TLL1: variants seen among roughly 807,000 people sequenced by gnomAD.
TLL1 encodes tolloid like 1.
A neutral mutation model predicts 128.2 loss-of-function variants in TLL1; 49 were observed. The observed-to-expected ratio is 0.38, with a 90% confidence interval of 0.30 to 0.48. The LOEUF (loss-of-function observed/expected upper bound fraction) is 0.48, where lower values mean the gene tolerates loss of function less well. Ranked by LOEUF, TLL1 falls within the 20% of genes least tolerant of loss-of-function variation. TLL1 has a pLI of 0.96. For synonymous variants in TLL1, 454 were observed against 418.8 expected, an observed-to-expected ratio of 1.08 and a Z score of -1.03; for missense variants, 1,123 against 1,242.0, an observed-to-expected ratio of 0.90 and a Z score of 1.44.
intron 1 of TLL1, among the ~76,000 whole-genome samples, chr4:165,941,615 G>A (rs1734012261): frequency 6.6e-6 from 1 of 152,050 alleles, no homozygotes; most frequent in Non-Finnish European, 1.5e-5. Flanking sequence ...GATATTTAAT[G>A]CCCAGTGTCA....
intron 11 of TLL1, among the ~76,000 whole-genome samples, 181 bp downstream of exon 11, chr4:166,042,324 TGTC>T (rs1390604557): frequency 2.6e-5 from 4 of 152,230 alleles, no homozygotes; most frequent in African/African-American, 4.8e-5. Flanking sequence ...AACAACCTGT[TGTC>T]TAGTATCAGT....
At chr4:166,044,156 A>T (rs1739358779) in intron 12 of TLL1, among the ~76,000 whole-genome samples, 3 of 152,148 alleles carry the variant, frequency 2.0e-5, no homozygotes, top group Admixed American at 1.3e-4. Context: ...AGTGGAGAAG[A>T]ACAATGAGAT....
At chr4:165,921,622 G>A (rs941291629) in intron 1 of TLL1, among the ~76,000 whole-genome samples, 1 of 152,086 alleles carries the variant, frequency 6.6e-6, no homozygotes, top group Admixed American at 6.6e-5. Flanking sequence ...TTTGTATAAG[G>A]CATTTTTGAC....
chr4:165,901,017 C>T (rs1731960028), intron 1 of TLL1, among the ~76,000 whole-genome samples: 1 of 151,496 alleles, frequency 6.6e-6, no homozygotes, highest in South Asian at 2.1e-4. Flanking sequence ...TTTTCTTCTG[C>T]TTGGTTGATT....
intron 1 of TLL1, among the ~76,000 whole-genome samples, chr4:165,985,152 A>G (rs1736344298): frequency 6.6e-6 from 1 of 151,998 alleles, no homozygotes. Flanking sequence ...TTAGTCGAGG[A>G]AGCCGGCTGA....
At chr4:165,887,312 G>A (rs2110823530) in intron 1 of TLL1, among the ~76,000 whole-genome samples, 1 of 152,282 alleles carries the variant, frequency 6.6e-6, no homozygotes, top group South Asian at 2.1e-4. Context: ...GTAGAGGCAA[G>A]CACTGGATGA....
intron 13 of TLL1, among the ~76,000 whole-genome samples, chr4:166,056,803 C>A (rs1740029370): frequency 1.3e-5 from 2 of 152,180 alleles, no homozygotes; most frequent in South Asian, 4.1e-4. Context: ...GGTTTCCAGG[C>A]CTTCTGTGGG....
At chr4:165,984,779 T>C (rs765678762) in intron 1 of TLL1, among the ~76,000 whole-genome samples, 1 of 151,948 alleles carries the variant, frequency 6.6e-6, no homozygotes, top group South Asian at 2.1e-4. Context: ...ATTCCTATAA[T>C]TACACTTAAT....
chr4:166,099,547 A>C lies in TLL1; in HGVS notation c.2907+20A>C. 6.2e-7 allele frequency: 1 copy of C among 1,613,112 alleles called. No individual in the cohort carries two copies. Among genetic ancestry groups the C allele is most frequent in the Non-Finnish European group, 8.5e-7 (1 of 1,179,482 alleles). ...TCCGGGGTAAATATACCACCAACAGAATACCCTAGACATGATTAAAGATGC... is the reference window on the plus strand; with the variant it reads ...TCCGGGGTAAATATACCACCAACAGCATACCCTAGACATGATTAAAGATGC... On this transcript the variant is annotated intron_variant, in intron 20 of 20. Transcript: ENST00000061240.
intron 1 of TLL1, among the ~76,000 whole-genome samples, chr4:165,951,768 G>A (rs568518475): frequency 1.3e-5 from 2 of 152,190 alleles, no homozygotes; most frequent in African/African-American, 2.4e-5. Context: ...GTTCTACACT[G>A]GAGTGAAGTT....
Position 166,103,462 on chromosome 4 carries a change from G to T in TLL1, c.*2586G>T, listed in dbSNP as rs368482518. 1 of 151,748 alleles carries T rather than the reference G, an allele frequency of 6.6e-6. No homozygotes were observed. The highest frequency in any genetic ancestry group is 1.5e-5 in the Non-Finnish European group (1 of 67,850). 9.4% of individuals were successfully genotyped at this position (151,748 alleles called of 1,614,324 possible). On this transcript the variant is annotated 3_prime_UTR_variant, in exon 21 of 21. Transcript: ENST00000061240. ...CCTGATGTGGTAGGGGAAATGTATT[G>T]CTCTATATTAAGAAATATTCTGGAT...
At chr4:166,093,378 TG>T (rs1741868572) in intron 19 of TLL1, among the ~76,000 whole-genome samples, 1 of 152,168 alleles carries the variant, frequency 6.6e-6, no homozygotes, top group South Asian at 2.1e-4. Flanking sequence ...GTACTATGCC[TG>T]GATGTGCACA....
At chr4:165,992,699 A>G (rs1736701384) in intron 2 of TLL1, 105 bp from the exon 3 acceptor site, 1 of 1,022,910 alleles carries the variant, frequency 9.8e-7, no homozygotes, top group Admixed American at 1.9e-5. Flanking sequence ...CTTTAAGACC[A>G]CATAAAAAAT....
chr4:165,939,829 G>T (rs2110920777), intron 1 of TLL1, among the ~76,000 whole-genome samples: 1 of 152,130 alleles, frequency 6.6e-6, no homozygotes, highest in Non-Finnish European at 1.5e-5. Context: ...CATCAATCTT[G>T]AAATGGGAAG....
intron 9 of TLL1, among the ~76,000 whole-genome samples, chr4:166,034,288 A>G (rs1297736938): frequency 1.3e-5 from 2 of 152,192 alleles, no homozygotes; most frequent in Non-Finnish European, 2.9e-5. Context: ...AGCGATATGA[A>G]GAATTTCAAG....
At chr4:165,995,227 G>C in intron 5 of TLL1, 49 bp downstream of exon 5, 4 of 1,312,076 alleles carry the variant, frequency 3.0e-6, no homozygotes, top group Non-Finnish European at 3.3e-6. Flanking sequence ...AAAATTAAAA[G>C]GAAAACAATT....
intron 19 of TLL1, among the ~76,000 whole-genome samples, chr4:166,097,545 CTGT>C (rs1337540742): frequency 1.3e-5 from 2 of 152,072 alleles, no homozygotes; most frequent in Non-Finnish European, 2.9e-5. Flanking sequence ...TCTGAATTTG[CTGT>C]TGTTTATGAC....
At chr4:166,018,842 A>G (rs1738074442) in intron 8 of TLL1, among the ~76,000 whole-genome samples, 1 of 152,206 alleles carries the variant, frequency 6.6e-6, no homozygotes, top group Non-Finnish European at 1.5e-5. Context: ...GGGAACACTT[A>G]CACACTGTTG....
chr4:165,918,158 T>G (rs1732871294), intron 1 of TLL1, among the ~76,000 whole-genome samples: 1 of 152,186 alleles, frequency 6.6e-6, no homozygotes, highest in African/African-American at 2.4e-5. Flanking sequence ...GGAAAAATTG[T>G]CAAGGTTATA....
Sources: gnomAD v4.1 joint callset for allele counts (sites outside exome capture counted in the v4.1 genomes callset) on GRCh38, gnomAD v4.1.1 for gene constraint, MANE v1.5 for transcripts, NCBI Gene and HGNC (gene_info 2026-07-23, HGNC 2026-07-21) for gene names.